Variants in GIGYF1 observed in about 807,000 individuals in gnomAD.
The protein encoded by GIGYF1 is GRB10-interacting GYF protein 1.
A neutral mutation model predicts 147.1 loss-of-function variants in GIGYF1; 84 were observed. That is an observed-to-expected ratio of 0.57 (90% CI 0.48 to 0.68). The LOEUF (loss-of-function observed/expected upper bound fraction) is 0.68. GIGYF1 is among the 30% of genes least tolerant of loss of function. The pLI, the probability that GIGYF1 is intolerant of heterozygous loss-of-function variation, is 0.00. For synonymous variants in GIGYF1, 752 were observed against 589.5 expected (o/e 1.28, Z -3.99); for missense variants, 1,485 against 1,393.7 (o/e 1.07, Z -1.04).
chr7:100,691,483 G>A (rs1303051208), intron 1 of GIGYF1, among the ~76,000 whole-genome samples: 1 of 147,396 alleles, frequency 6.8e-6, no homozygotes, highest in Non-Finnish European at 1.5e-5. Flanking sequence ...CCTGCCAGGA[G>A]AAAATCTTTG....
chr7:100,683,789 TG>T, intron 19 of GIGYF1, 28 bp downstream of exon 19: 1 of 1,575,720 alleles, frequency 6.3e-7, no homozygotes, highest in South Asian at 1.1e-5. Flanking sequence ...GAGACTGCCT[TG>T]GGGGTGGGGA....
Position 100,683,548 on chromosome 7 carries a change from A to C in GIGYF1, c.2052+2T>G. ...GGCCTCAGCCCCAGGATGCCCACTC[A>C]CTTTATGTTGCAGCTGGAGTTGTTC... On this transcript the variant is annotated splice_donor_variant, in intron 20 of 26. Coordinates refer to ENST00000678049, the MANE Select transcript of GIGYF1 (RefSeq NM_001375765.1). LOFTEE classifies it high-confidence loss of function. 1 of 1,614,124 alleles carries C rather than the reference A, an allele frequency of 6.2e-7. No individual in the cohort carries two copies. The highest frequency in any genetic ancestry group is 8.5e-7 in the Non-Finnish European group (1 of 1,179,952).
intron 19 of GIGYF1, 33 bp from the exon 20 acceptor site, chr7:100,683,665 G>A (rs1483567228): frequency 6.2e-7 from 1 of 1,600,730 alleles, no homozygotes; most frequent in East Asian, 2.2e-5. Flanking sequence ...GGCGGCTGCA[G>A]GTGGGCACTT....
In GIGYF1 at chr7:100,682,071, CCTG is replaced by C. The variant is rs751951469; in HGVS notation, c.2923_2925del (p.Gln975del). 1.9e-6 allele frequency: 3 copies of C among 1,612,512 alleles called. No individual in the cohort carries two copies. ...CCAGCTGCTGGTGCCGGCTGCCTCA[CCTG>C]CTGCTGCTGCCGCTGCTGGCTGGCT... is the stretch of plus-strand genomic sequence containing the variant. On this transcript the variant is annotated inframe_deletion and splice_region_variant, in exon 25 of 27. Transcript: ENST00000678049.
In GIGYF1 at chr7:100,685,441, C is replaced by T; in HGVS notation, c.1095G>A (p.Lys365=). The change falls in exon 13 of 27, where the codon AAG becomes AAA. Residue 365 remains lysine (K), a synonymous_variant. Coordinates refer to ENST00000678049, the MANE Select transcript of GIGYF1 (RefSeq NM_001375765.1). ...TGGGCAGTGGGGATGGGGAGCTGGA[C>T]TTCTCCTCCTGAGGAGGCAGTGGGG... ...ELTPLPPQEE[K]SSSPSPLPTL... 1 of 1,594,458 alleles carries T rather than the reference C, an allele frequency of 6.3e-7. No individual in the cohort carries two copies. The highest frequency in any genetic ancestry group is 8.5e-7 in the Non-Finnish European group (1 of 1,175,336).
chr7:100,693,590 A>C (rs1233593191), intron 1 of GIGYF1, among the ~76,000 whole-genome samples: 1 of 152,176 alleles, frequency 6.6e-6, no homozygotes, highest in African/African-American at 2.4e-5. Flanking sequence ...GGGAACCGCA[A>C]GGCCCAGCTC....
chr7:100,685,133 C>A lies in GIGYF1; in HGVS notation c.1206G>T (p.Gly402=). 1 of 1,582,416 alleles carries A rather than the reference C, an allele frequency of 6.3e-7. No individual in the cohort carries two copies. Among genetic ancestry groups the A allele is most frequent in the Non-Finnish European group, 8.6e-7 (1 of 1,163,004 alleles). The change falls in exon 14 of 27, where the codon GGG becomes GGT. Residue 402 remains glycine, a synonymous_variant. Transcript: ENST00000678049. ...AGCCCACCCCGGGACTCAGCTGGAT[C>A]CCCCGAATATCATCTGGAAGGCATG... ...EPPAAEDDIR[G]IQLSPGVGSS...
intron 5 of GIGYF1, 22 bp from the exon 6 acceptor site, chr7:100,687,905 C>T (rs1424558308): frequency 6.2e-7 from 1 of 1,613,464 alleles, no homozygotes. Context: ...TTGGGACAGC[C>T]AAGACACCAC....
In GIGYF1 at chr7:100,681,609, G is replaced by A. The variant is rs184096804; in HGVS notation, c.*110C>T. 2.6e-5 allele frequency: 26 copies of A among 1,012,896 alleles called. No individual in the cohort carries two copies. Among genetic ancestry groups the A allele is most frequent in the East Asian group, 2.2e-4 (8 of 36,810 alleles). 62.7% of individuals were successfully genotyped at this position (1,012,896 alleles called of 1,614,324 possible). A position where few individuals can be genotyped will look rare whatever the true frequency, so the allele number is the denominator to read the frequency against. Reference sequence around the variant, plus strand: ...GTTTGTAACAAGTGCTGGGGACCCCGCCCCTGCCTCTTCCTGTGCTCTCTG... The same window carrying A: ...GTTTGTAACAAGTGCTGGGGACCCCACCCCTGCCTCTTCCTGTGCTCTCTG... On this transcript the variant is annotated 3_prime_UTR_variant, in exon 27 of 27. Coordinates refer to ENST00000678049, the MANE Select transcript of GIGYF1 (RefSeq NM_001375765.1).
chr7:100,685,650 C>G (rs1805252510), intron 12 of GIGYF1, among the ~76,000 whole-genome samples, 169 bp from the exon 13 acceptor site: 1 of 152,200 alleles, frequency 6.6e-6, no homozygotes, highest in African/African-American at 2.4e-5. Context: ...GTGCCCTGAC[C>G]CTCGCCTCCA....
chr7:100,690,988 A>G (rs1805786161), intron 1 of GIGYF1, among the ~76,000 whole-genome samples: 1 of 151,700 alleles, frequency 6.6e-6, no homozygotes. Flanking sequence ...CAGAGCAGGA[A>G]AAAGCCCATG....
At position 100,687,378 on chromosome 7, in the gene GIGYF1, G is replaced by A. The variant is rs1805466609; in HGVS notation, c.402C>T (p.Tyr134=). 1.2e-6 allele frequency: 2 copies of A among 1,613,332 alleles called. No individual in the cohort carries two copies. Among genetic ancestry groups the A allele is most frequent in the African/African-American group, 1.3e-5 (1 of 74,916 alleles). The change falls in exon 8 of 27, where the codon TAC becomes TAT. Residue 134 remains tyrosine (Y), a synonymous_variant. Transcript: ENST00000678049. The part of the protein sequence containing the change: ...RGRGRGDSCF[Y]QRSIEEGDGA... ...CATCGCCTTCTTCGATGCTTCTTTG[G>A]TAAAAGCAGCTGTCACCACGGCCGC...
Position 100,684,469 on chromosome 7 carries a change from G to A in GIGYF1, c.1610C>T (p.Pro537Leu), listed in dbSNP as rs761092785. 10 of 1,613,004 alleles carry A rather than the reference G, an allele frequency of 6.2e-6. No homozygotes were observed. The highest frequency in any genetic ancestry group is 8.5e-6 in the Non-Finnish European group (10 of 1,179,980). The part of the protein sequence containing the change: ...MWGRVPFAPG[P>L]SPPPLLGNMD... ...GCTCACCAGCAGTGGGGGAGGTGAG[G>A]GCCCTGGGGCAAAGGGCACGCGGCC... Residue 537 changes from proline to leucine, a missense_variant, in exon 16 of 27, where the codon CCC (proline) becomes CTC (leucine). Physicochemically the swap from Pro to Leu is moderately conservative, Grantham distance 98. Transcript: ENST00000678049.
chr7:100,683,271 C>A, intron 21 of GIGYF1, 33 bp downstream of exon 21: 1 of 1,613,488 alleles, frequency 6.2e-7, no homozygotes, highest in Non-Finnish European at 8.5e-7. Flanking sequence ...CGAGGGTTGT[C>A]CACCCAGCCA....
At chr7:100,693,178 C>A (rs1176727447) in intron 1 of GIGYF1, among the ~76,000 whole-genome samples, 2 of 152,172 alleles carry the variant, frequency 1.3e-5, no homozygotes, top group African/African-American at 4.8e-5. Flanking sequence ...TATGTAGCAT[C>A]TCCTAGTTCC....
chr7:100,687,789 T>A lies in GIGYF1; in HGVS notation c.260A>T (p.Gln87Leu), dbSNP rs1562883321. 6.2e-7 allele frequency: 1 copy of A among 1,610,142 alleles called. No homozygotes were observed. Among genetic ancestry groups the A allele is most frequent in the Non-Finnish European group, 8.5e-7 (1 of 1,179,316 alleles). Residue 87 changes from glutamine (Q) to leucine (L), a missense_variant and splice_region_variant, in exon 6 of 27, where the codon CAG becomes CTG. Transcript: ENST00000678049. ...CCTCAGCTCCTGGCCCGGTCCCACC[T>A]GTTCCTCCTCAGTCAGCGGCTCCAG... ...LALEPLTEEE[Q>L]RNFSLSVNSV...
Position 100,688,082 on chromosome 7 carries a change from C to T in GIGYF1, c.64G>A (p.Val22Met), listed in dbSNP as rs143599238. The change falls in exon 5 of 27, where the codon GTG becomes ATG. Residue 22 changes from valine to methionine, a missense_variant. By Grantham distance (21) the Val-to-Met change is conservative. Transcript: ENST00000678049. Reference protein sequence around the residue: ...WLRALSGGGSVASPPPSPAMP... With the variant: ...WLRALSGGGSMASPPPSPAMP... ...GCAGGGGACGGGGGTGGGGAGGCCA[C>T]GCTGCCGCCCCCGGACAGGGCCCTG... is the stretch of plus-strand genomic sequence containing the variant. 1.4e-5 allele frequency: 23 copies of T among 1,610,080 alleles called. No individual in the cohort carries two copies. Among genetic ancestry groups the T allele is most frequent in the Middle Eastern group, 1.7e-4 (1 of 6,042 alleles).
At chr7:100,690,897 T>C (rs1428980911) in intron 1 of GIGYF1, among the ~76,000 whole-genome samples, 2 of 151,922 alleles carry the variant, frequency 1.3e-5, no homozygotes, top group South Asian at 2.1e-4. Context: ...TGGCTGTGTC[T>C]TGGCTGCAAG....
Position 100,688,089 on chromosome 7 carries a change from G to GC in GIGYF1, c.56dup (p.Gly20ArgfsTer19). 1 of 1,609,906 alleles carries GC rather than the reference G, an allele frequency of 6.2e-7. No homozygotes were observed. The highest frequency in any genetic ancestry group is 8.5e-7 in the Non-Finnish European group (1 of 1,177,724). On this transcript the variant is annotated frameshift_variant, in exon 5 of 27. Transcript: ENST00000678049. LOFTEE classifies it high-confidence loss of function. ...ACGGGGGTGGGGAGGCCACGCTGCC[G>GC]CCCCCGGACAGGGCCCTGAGCCTGG...
Sources: allele counts gnomAD v4.1 joint callset (sites outside exome capture counted in the v4.1 genomes callset), GRCh38; gene constraint gnomAD v4.1.1; transcripts MANE v1.5; gene names NCBI Gene and HGNC (gene_info 2026-07-23, HGNC 2026-07-21).